Variants in TAAR5 observed in about 807,000 individuals in gnomAD.
TAAR5 encodes trace amine associated receptor 5, also known as trace amine-associated receptor 5.
In TAAR5, 27 loss-of-function variants were observed where a neutral mutation model predicts 21.1. That is an observed-to-expected ratio of 1.28 (90% CI 0.94 to 1.76). TAAR5 has a LOEUF of 1.76. Among genes scored for constraint, TAAR5 ranks in the 40% most tolerant of loss-of-function variants. TAAR5 has a pLI of 0.00. For missense variants in TAAR5, 495 were observed against 405.6 expected (o/e 1.22, Z -1.89); for synonymous variants, 203 against 167.5 (o/e 1.21, Z -1.64).
At chr6:132,601,316 T>C in the TAAR5 span, among the ~76,000 whole-genome samples, 1 of 152,240 alleles carries the variant, frequency 6.6e-6, no homozygotes, top group Middle Eastern at 3.2e-3. Context: ...TCAGATTTCT[T>C]TTACTTTATT....
upstream of TAAR5, among the ~76,000 whole-genome samples, chr6:132,591,682 C>G (rs1165061115): frequency 6.6e-6 from 1 of 152,046 alleles, no homozygotes; most frequent in Non-Finnish European, 1.5e-5. Flanking sequence ...TTTAATTTGA[C>G]CAAGAACTTG....
upstream of TAAR5, among the ~76,000 whole-genome samples, chr6:132,593,092 C>A (rs149831170): frequency 5.3e-5 from 8 of 152,314 alleles, no homozygotes; most frequent in Non-Finnish European, 1.2e-4. Flanking sequence ...TTCTCTGATG[C>A]TCTAACTCCA....
chr6:132,611,299 G>A, the TAAR5 span, among the ~76,000 whole-genome samples: 1,536 of 151,570 alleles, frequency 0.01, 13 homozygotes, highest in Non-Finnish European at 0.017. Context: ...GGGGAGAGGG[G>A]GATAAGGAGG....
chr6:132,597,333 A>G, the TAAR5 span, among the ~76,000 whole-genome samples: 4 of 152,158 alleles, frequency 2.6e-5, no homozygotes, highest in Non-Finnish European at 5.9e-5. Flanking sequence ...ACATGGGTGA[A>G]TTGTTAAGGT....
chr6:132,610,381 G>A, the TAAR5 span, among the ~76,000 whole-genome samples: 2 of 152,178 alleles, frequency 1.3e-5, no homozygotes, highest in East Asian at 3.9e-4. Context: ...ATTCTCCCAA[G>A]CTATATAAAG....
chr6:132,605,805 C>T, the TAAR5 span, among the ~76,000 whole-genome samples: 1 of 146,696 alleles, frequency 6.8e-6, no homozygotes, highest in East Asian at 1.9e-4. Flanking sequence ...ACTCATGCAT[C>T]TGTATGTTCA....
In TAAR5 at chr6:132,588,841, T is replaced by A; in HGVS notation, c.846A>T (p.Thr282=). 1 of 1,613,026 alleles carries A rather than the reference T, an allele frequency of 6.2e-7. No homozygotes were observed. The highest frequency in any genetic ancestry group is 8.5e-7 in the Non-Finnish European group (1 of 1,179,762). ...TAAAGATGTCAAAGACCAGTGGGGG[T>A]GTGATAAAGTGAAGGAGGCTGTCGA... ...TMVDSLLHFI[T]PPLVFDIFIW... The change falls in exon 1 of 1, where the codon ACA becomes ACT. Residue 282 remains threonine, a synonymous_variant. Transcript: ENST00000258034.
chr6:132,600,614 T>C, the TAAR5 span, among the ~76,000 whole-genome samples: 2 of 152,144 alleles, frequency 1.3e-5, no homozygotes, highest in African/African-American at 4.8e-5. Context: ...AACAATTACA[T>C]GCTTTGGACA....
the TAAR5 span, among the ~76,000 whole-genome samples, chr6:132,614,432 T>C: frequency 6.6e-6 from 1 of 152,250 alleles, no homozygotes; most frequent in Non-Finnish European, 1.5e-5. Context: ...TTAAAAACTA[T>C]CTTCTCAATT....
At chr6:132,606,636 C>T in the TAAR5 span, among the ~76,000 whole-genome samples, 8 of 152,088 alleles carry the variant, frequency 5.3e-5, no homozygotes, top group African/African-American at 9.7e-5. Context: ...CTATCAATTA[C>T]GCATTTATTA....
At chr6:132,596,006 A>T in the TAAR5 span, among the ~76,000 whole-genome samples, 1 of 152,238 alleles carries the variant, frequency 6.6e-6, no homozygotes, top group Admixed American at 6.5e-5. Context: ...AGTATGGAGA[A>T]CAACATAGTT....
upstream of TAAR5, among the ~76,000 whole-genome samples, chr6:132,590,048 T>C (rs199636754): frequency 2.6e-5 from 4 of 152,222 alleles, no homozygotes; most frequent in Non-Finnish European, 5.9e-5. Context: ...CCATAGGTAG[T>C]ATTAAATAAT....
chr6:132,613,472 C>T, the TAAR5 span, among the ~76,000 whole-genome samples: 2 of 152,158 alleles, frequency 1.3e-5, no homozygotes, highest in African/African-American at 4.8e-5. Flanking sequence ...ATCACATAGC[C>T]TCTATGGAAT....
the TAAR5 span, among the ~76,000 whole-genome samples, chr6:132,613,342 T>C: frequency 4.6e-5 from 7 of 152,230 alleles, no homozygotes; most frequent in Admixed American, 1.3e-4. Flanking sequence ...GACATGCAGA[T>C]CTTTGCGGCC....
chr6:132,607,712 G>T, the TAAR5 span, among the ~76,000 whole-genome samples: 3 of 152,122 alleles, frequency 2.0e-5, no homozygotes, highest in Admixed American at 6.6e-5. Context: ...GAGCCTAAAG[G>T]TATCAGAAAA....
the TAAR5 span, among the ~76,000 whole-genome samples, chr6:132,603,494 CAA>C: frequency 0.05 from 6,819 of 135,872 alleles, 230 homozygotes; most frequent in African/African-American, 0.097. Flanking sequence ...CATTTTCTCT[CAA>C]AAAAAAAAAA....
At position 132,589,734 on chromosome 6, in the gene TAAR5, C is replaced by A; in HGVS notation, c.-48G>T. On this transcript the variant is annotated 5_prime_UTR_variant, in exon 1 of 1. Transcript: ENST00000258034. ...GTCTGAGAACTGGCCACCTTCTCCA[C>A]TGGAGGGCAAAAAAAAAAAAAAAAA... 2 of 347,632 alleles carry A rather than the reference C, an allele frequency of 5.8e-6. No homozygotes were observed. The highest frequency in any genetic ancestry group is 9.3e-6 in the Non-Finnish European group (2 of 216,082). The allele number at this position is 347,632 out of a possible 1,614,324, so 21.5% of individuals were successfully genotyped here.
chr6:132,593,289 C>T (rs1776932001), upstream of TAAR5, among the ~76,000 whole-genome samples: 1 of 152,172 alleles, frequency 6.6e-6, no homozygotes, highest in African/African-American at 2.4e-5. Context: ...TGTAGTGTAA[C>T]TGAGTGGCTA....
Position 132,589,033 on chromosome 6 carries a change from C to T in TAAR5, c.654G>A (p.Leu218=). 6.2e-7 allele frequency: 1 copy of T among 1,614,076 alleles called. No individual in the cohort carries two copies. The highest frequency in any genetic ancestry group is 1.3e-5 in the African/African-American group (1 of 75,034). ...TAGCAACCACAAAGATCTTCACATACAAGCTGATCATAATGAGGCAGGGGA... is the reference window on the plus strand; with the variant it reads ...TAGCAACCACAAAGATCTTCACATATAAGCTGATCATAATGAGGCAGGGGA... ...FFVPCLIMIS[L]YVKIFVVATR... is the part of the protein sequence containing the mutation. Residue 218 remains leucine, a synonymous_variant, in exon 1 of 1, where the codon TTG becomes TTA. Coordinates refer to ENST00000258034, the MANE Select transcript of TAAR5 (RefSeq NM_003967.3).
Sources: allele counts gnomAD v4.1 joint callset (sites outside exome capture counted in the v4.1 genomes callset), GRCh38; gene constraint gnomAD v4.1.1; transcripts MANE v1.5; gene names NCBI Gene and HGNC (gene_info 2026-07-23, HGNC 2026-07-21).